Variants in MAN2B1 observed in about 807,000 individuals in gnomAD.
MAN2B1 encodes lysosomal alpha-mannosidase.
A neutral mutation model predicts 127.5 loss-of-function variants in MAN2B1; 99 were observed. That is an observed-to-expected ratio of 0.78 (90% CI 0.66 to 0.92). The LOEUF is 0.92. MAN2B1 is among the 40% of genes least tolerant of loss of function. MAN2B1 has a pLI of 0.00. For missense variants in MAN2B1, 1,304 were observed against 1,384.8 expected (o/e 0.94, Z 0.93); for synonymous variants, 573 against 568.8 (o/e 1.01, Z -0.11).
chr19:12,663,623 A>G, intron 5 of MAN2B1, 80 bp downstream of exon 5: 2 of 1,549,772 alleles, frequency 1.3e-6, no homozygotes. Context: ...CAGGACAGTG[A>G]CAACAGAGCA....
intron 7 of MAN2B1, among the ~76,000 whole-genome samples, chr19:12,659,297 C>CA (rs765026295): frequency 1.3e-4 from 15 of 113,946 alleles, no homozygotes; most frequent in African/African-American, 4.8e-4. Context: ...GCTCAATAAA[C>CA]TTTTTTTTTT....
chr19:12,665,098 C>T, intron 3 of MAN2B1, 113 bp from the exon 4 acceptor site: 17 of 1,139,894 alleles, frequency 1.5e-5, no homozygotes, highest in Non-Finnish European at 2.1e-5. Flanking sequence ...GGCGGAAGGA[C>T]AAGAGGGGTC....
intron 6 of MAN2B1, among the ~76,000 whole-genome samples, chr19:12,662,103 T>A (rs1209487771): frequency 3.9e-5 from 6 of 152,002 alleles, no homozygotes; most frequent in African/African-American, 1.4e-4. Context: ...TCTCGGCCTC[T>A]CAAAATGCTG....
At chr19:12,657,079 C>T (rs1443075915) in intron 11 of MAN2B1, 23 bp from the exon 12 acceptor site, 3 of 1,479,960 alleles carry the variant, frequency 2.0e-6, no homozygotes, top group East Asian at 2.3e-5. Context: ...GCAAAGGGAC[C>T]GGTGGGTTCA....
Position 12,647,236 on chromosome 19 carries a change from T to C in MAN2B1, c.2920A>G (p.Thr974Ala), listed in dbSNP as rs1427504016. Reference sequence around the variant, plus strand: ...CTACCCCTGACCAGGGCCCCACCTGTGTTTGTTGTCCACTTGAGCCTGGAG... The same window carrying C: ...CTACCCCTGACCAGGGCCCCACCTGCGTTTGTTGTCCACTTGAGCCTGGAG... ...AASRLKWTTN[T>A]GPTPHQTPYQ... The change falls in exon 23 of 24, where the codon ACA becomes GCA. Residue 974 changes from threonine (T) to alanine (A), a missense_variant. By Grantham distance (58) the Thr-to-Ala change is moderately conservative. Coordinates refer to ENST00000456935, the MANE Select transcript of MAN2B1 (RefSeq NM_000528.4). The surrounding 1 kb of genome is among the most constrained non-coding windows in gnomAD (Gnocchi z 4.9). The C allele has an allele frequency of 6.2e-7, 1 of 1,611,848 alleles. No individual in the cohort carries two copies. The highest frequency in any genetic ancestry group is 8.5e-7 in the Non-Finnish European group (1 of 1,178,110).
At position 12,652,133 on chromosome 19, in the gene MAN2B1, C is replaced by A; in HGVS notation, c.2046+20G>T. On this transcript the variant is annotated intron_variant, in intron 16 of 23. Coordinates refer to ENST00000456935, the MANE Select transcript of MAN2B1 (RefSeq NM_000528.4). ...ACTTCCCCATTCCCAACTGCCCACT[C>A]ATCATTCCTAGTCCCTGACCTTCAC... is the stretch of plus-strand genomic sequence containing the variant. 6.3e-7 allele frequency: 1 copy of A among 1,592,026 alleles called. No individual in the cohort carries two copies. The highest frequency in any genetic ancestry group is 1.1e-5 in the South Asian group (1 of 90,478).
Position 12,649,909 on chromosome 19 carries a change from C to T in MAN2B1, c.2267+4G>A, listed in dbSNP as rs1231788504. 1 of 1,612,382 alleles carries T rather than the reference C, an allele frequency of 6.2e-7. No individual in the cohort carries two copies. Among genetic ancestry groups the T allele is most frequent in the African/African-American group, 1.3e-5 (1 of 74,856 alleles). On this transcript the variant is annotated splice_donor_region_variant and intron_variant, in intron 18 of 23. Transcript: ENST00000456935. Reference sequence around the variant, plus strand: ...CCCCCTCAGTGCTCTCAGTCACCCCCCACCTCCTCTCCAGGATCTCCCGGC... The same window carrying T: ...CCCCCTCAGTGCTCTCAGTCACCCCTCACCTCCTCTCCAGGATCTCCCGGC...
chr19:12,661,188 A>G, intron 7 of MAN2B1, 72 bp downstream of exon 7: 2 of 992,244 alleles, frequency 2.0e-6, no homozygotes. Context: ...ACTGAGAGCT[A>G]TGCACATAAC....
chr19:12,646,895 A>G, intron 23 of MAN2B1, 163 bp from the exon 24 acceptor site: 1 of 630,996 alleles, frequency 1.6e-6, no homozygotes, highest in East Asian at 2.7e-5. Flanking sequence ...CCCGAATACC[A>G]CCCCCAGGTC....
intron 16 of MAN2B1, among the ~76,000 whole-genome samples, chr19:12,650,548 T>C (rs1021890386): frequency 1.1e-4 from 17 of 151,156 alleles, no homozygotes; most frequent in African/African-American, 3.9e-4. Flanking sequence ...TTAGTAGAGA[T>C]GGGGTTTCAC....
chr19:12,648,476 G>C, intron 20 of MAN2B1, 74 bp from the exon 21 acceptor site: 1 of 1,112,896 alleles, frequency 9.0e-7, no homozygotes, highest in Non-Finnish European at 1.3e-6. Context: ...ACTGGGTAAG[G>C]GCGTGTGGGA....
chr19:12,649,148 C>A lies in MAN2B1; in HGVS notation c.2424G>T (p.Ser808=). ...CTGACCCACTCACCATGAGCTCCAG[C>A]GAGCCATCTCTCAGGCTGCTGCCCC... ...SQGGSSLRDG[S]LELMVHRRLL... Residue 808 remains serine (S), a synonymous_variant, in exon 20 of 24, where the codon TCG becomes TCT. Transcript: ENST00000456935. 6.2e-7 allele frequency: 1 copy of A among 1,612,122 alleles called. No individual in the cohort carries two copies. The highest frequency in any genetic ancestry group is 8.5e-7 in the Non-Finnish European group (1 of 1,179,842).
Position 12,655,717 on chromosome 19 carries a change from G to A in MAN2B1, c.1807C>T (p.Pro603Ser). ...PQPIPRRSWS[P>S]ALTIENEHIR... The stretch of plus-strand genomic sequence containing the variant: ...ACCTCATTTTCGATGGTTAAAGCAG[G>A]GGACCAGGATCTTCTGGGGATGGGC... The change falls in exon 14 of 24, where the codon CCT becomes TCT. Residue 603 changes from proline (P) to serine (S), a missense_variant. Transcript: ENST00000456935. 6.2e-7 allele frequency: 1 copy of A among 1,609,734 alleles called. No homozygotes were observed.
Position 12,663,734 on chromosome 19 carries a change from G to C in MAN2B1, c.732C>G (p.Ser244Arg). The change falls in exon 5 of 24, where the codon AGC becomes AGG. Residue 244 changes from serine (S) to arginine (R), a missense_variant. Physicochemically the swap from Ser to Arg is moderately radical, Grantham distance 110 (BLOSUM62 -1). Transcript: ENST00000456935. ...AGAGGTCCGCGGTCGGGGGCTTCAG[G>C]CTGGTGCTGGCCCGCCACACCTGCT... ...EMEQVWRAST[S>R]LKPPTADLFT... 6.2e-7 allele frequency: 1 copy of C among 1,613,568 alleles called. No homozygotes were observed. The highest frequency in any genetic ancestry group is 8.5e-7 in the Non-Finnish European group (1 of 1,179,902).
rs1481077295 is a variant in MAN2B1, at chr19:12,652,254, C to A, written c.1945G>T (p.Gly649Cys). 1 of 1,614,022 alleles carries A rather than the reference C, an allele frequency of 6.2e-7. No individual in the cohort carries two copies. The highest frequency in any genetic ancestry group is 1.3e-5 in the African/African-American group (1 of 74,918). ...QTFFWYNASI[G>C]DNESDQASGA... ...GAGGCCTGGTCACTTTCGTTGTCACCTATACTGGCGTTGTACCTGGAGTTG... is the reference window on the plus strand; with the variant it reads ...GAGGCCTGGTCACTTTCGTTGTCACATATACTGGCGTTGTACCTGGAGTTG... The change falls in exon 16 of 24, where the codon GGT (glycine) becomes TGT (cysteine). Residue 649 changes from glycine (G) to cysteine (C), a missense_variant. Gly to Cys is a radical substitution (Grantham distance 159). Coordinates refer to ENST00000456935, the MANE Select transcript of MAN2B1 (RefSeq NM_000528.4).
chr19:12,663,949 T>C, intron 4 of MAN2B1, 114 bp from the exon 5 acceptor site: 1 of 1,373,496 alleles, frequency 7.3e-7, no homozygotes, highest in Non-Finnish European at 1.0e-6. Context: ...CAGTGCTAGG[T>C]CGATGTGGTG....
intron 7 of MAN2B1, among the ~76,000 whole-genome samples, chr19:12,660,534 C>G (rs1003454218): frequency 1.3e-5 from 2 of 151,898 alleles, no homozygotes; most frequent in African/African-American, 4.8e-5. Context: ...AAGAGAGAGG[C>G]AGAAGAGGTG....
At chr19:12,659,763 G>A (rs2024060308) in intron 7 of MAN2B1, among the ~76,000 whole-genome samples, 1 of 152,048 alleles carries the variant, frequency 6.6e-6, no homozygotes, top group African/African-American at 2.4e-5. Context: ...AGGTTGCCAT[G>A]AGGCAAGATC....
Position 12,657,039 on chromosome 19 carries a change from C to T in MAN2B1, c.1437G>A (p.Ala479=), listed in dbSNP as rs139435774. Residue 479 remains alanine (A), a synonymous_variant, in exon 12 of 24, where the codon GCG becomes GCA. Transcript: ENST00000456935. ...CTTTGAAGCCTCTGAGCCGCGCCAGCGCGTTGCTCAGAAGAACCTGCGGAA... is the reference window on the plus strand; with the variant it reads ...CTTTGAAGCCTCTGAGCCGCGCCAGTGCGTTGCTCAGAAGAACCTGCGGAA... ...WGPCEVLLSN[A]LARLRGFKDH... 53 of 1,610,626 alleles carry T rather than the reference C, an allele frequency of 3.3e-5. No individual in the cohort carries two copies. Among genetic ancestry groups the T allele is most frequent in the Non-Finnish European group, 4.2e-5 (50 of 1,178,790 alleles).
Sources: gnomAD v4.1 joint callset for allele counts (sites outside exome capture counted in the v4.1 genomes callset) on GRCh38, gnomAD v4.1.1 for gene constraint, Gnocchi (gnomAD v3.1) non-coding constraint, MANE v1.5 for transcripts, NCBI Gene and HGNC (gene_info 2026-07-23, HGNC 2026-07-21) for gene names.